The following ANKRD44 variants were observed in gnomAD, a reference collection of about 807,000 sequenced individuals.
ANKRD44 encodes the protein serine/threonine-protein phosphatase 6 regulatory ankyrin repeat subunit B.
In ANKRD44, 35 loss-of-function variants were observed where a neutral mutation model predicts 116.0. The observed-to-expected ratio is 0.30, with a 90% CI of 0.23 to 0.40. The LOEUF is 0.40. Ranked by LOEUF, ANKRD44 falls within the 10% of genes least tolerant of loss-of-function variation. ANKRD44 has a pLI of 1.00. For missense variants in ANKRD44, 1,014 were observed against 1,242.6 expected, an observed-to-expected ratio of 0.82 and a Z score of 2.77; for synonymous variants, 435 against 461.8, an observed-to-expected ratio of 0.94 and a Z score of 0.74.
chr2:197,297,020 T>G (rs1031172620), intron 1 of ANKRD44, among the ~76,000 whole-genome samples: 4 of 152,246 alleles, frequency 2.6e-5, no homozygotes, highest in African/African-American at 4.8e-5. Flanking sequence ...AGACACAGTT[T>G]TATATTTCTG....
chr2:197,102,483 T>C (rs894632242), intron 9 of ANKRD44, among the ~76,000 whole-genome samples: 3 of 152,234 alleles, frequency 2.0e-5, no homozygotes, highest in African/African-American at 7.2e-5. Flanking sequence ...CTTTTGAATA[T>C]CTGCTATCTG....
At chr2:196,983,864 G>C (rs1366788999), downstream of ANKRD44, among the ~76,000 whole-genome samples, 1 of 152,174 alleles carries the variant, frequency 6.6e-6, no homozygotes, top group South Asian at 2.1e-4. Context: ...CCCCCACTGG[G>C]AAAGTAGATA....
chr2:197,204,130 CA>C (rs1200627800), intron 1 of ANKRD44, among the ~76,000 whole-genome samples: 1 of 151,946 alleles, frequency 6.6e-6, no homozygotes, highest in Non-Finnish European at 1.5e-5. Flanking sequence ...ATACATAAAA[CA>C]GAATATTTTA....
chr2:197,018,270 C>T (rs1042214016), intron 17 of ANKRD44, among the ~76,000 whole-genome samples: 1 of 152,148 alleles, frequency 6.6e-6, no homozygotes, highest in Non-Finnish European at 1.5e-5. Flanking sequence ...ATACCAATAT[C>T]CAAAACTTTC....
In ANKRD44 at chr2:197,139,646, T is replaced by TAA. The variant is rs2079308361; in HGVS notation, c.191-2985_191-2984insTT. Among the ~76,000 whole-genome samples, 14 of 114,532 alleles carry TAA rather than the reference T, an allele frequency of 1.2e-4. 1 individual carries two copies. Among genetic ancestry groups the TAA allele is most frequent in the Admixed American group, 5.3e-4 (6 of 11,280 alleles). 75.1% of individuals were successfully genotyped at this position (114,532 alleles called of 152,430 possible). A position where few individuals can be genotyped will look rare whatever the true frequency, so the allele number is the denominator to read the frequency against. Reference sequence around the variant, plus strand: ...AAATATATAGATATAGATATAGATATAGATATATATATAGCAAATATGGCA... The same window carrying TAA: ...AAATATATAGATATAGATATAGATATAAAGATATATATATAGCAAATATGGCA... On this transcript the variant is annotated intron_variant, in intron 3 of 27. Transcript: ENST00000282272.
intron 27 of ANKRD44, chr2:196,992,620 G>C (rs1205667416): frequency 6.5e-6 from 1 of 152,712 alleles, no homozygotes; most frequent in African/African-American, 2.4e-5. Context: ...GGAAGGTGAG[G>C]CGGGAAAACC....
chr2:196,980,627 C>T (rs2075794113), intron 21 of ANKRD44, among the ~76,000 whole-genome samples: 2 of 152,240 alleles, frequency 1.3e-5, no homozygotes, highest in South Asian at 4.1e-4. Flanking sequence ...AAGACGTTGT[C>T]TGAACCACAC....
chr2:196,977,521 T>A (rs1169167490), intron 21 of ANKRD44, among the ~76,000 whole-genome samples: 2 of 152,196 alleles, frequency 1.3e-5, no homozygotes, highest in Non-Finnish European at 2.9e-5. Flanking sequence ...CAACGTGATT[T>A]AAAAATGGGC....
At chr2:197,306,687 G>T (rs1176835085) in intron 1 of ANKRD44, among the ~76,000 whole-genome samples, 1 of 152,076 alleles carries the variant, frequency 6.6e-6, no homozygotes, top group East Asian at 1.9e-4. Context: ...TATGTAACAC[G>T]TCCCAAGGCC....
intron 21 of ANKRD44, among the ~76,000 whole-genome samples, chr2:196,975,787 C>CAA (rs1298655216): frequency 1.7e-5 from 1 of 58,698 alleles, no homozygotes; most frequent in African/African-American, 6.9e-5. Context: ...GTCTCTGTCT[C>CAA]AAAAAAAAAA....
intron 27 of ANKRD44, 142 bp from the exon 28 acceptor site, chr2:196,989,791 T>G (rs2075887272): frequency 6.9e-7 from 1 of 1,456,658 alleles, no homozygotes; most frequent in Non-Finnish European, 9.1e-7. Context: ...CACTTTTCAC[T>G]GACTTGGTAT....
chr2:197,241,448 G>A (rs1212030185), intron 1 of ANKRD44, among the ~76,000 whole-genome samples: 1 of 152,060 alleles, frequency 6.6e-6, no homozygotes, highest in Non-Finnish European at 1.5e-5. Flanking sequence ...CTTATATTAG[G>A]CAAGCACTCT....
intron 15 of ANKRD44, among the ~76,000 whole-genome samples, chr2:197,081,006 T>C (rs764738070): frequency 3.3e-5 from 5 of 152,174 alleles, no homozygotes; most frequent in Admixed American, 1.3e-4. Flanking sequence ...CTGTGACCTG[T>C]GGTGCAGAAA....
rs192600992 is a variant in ANKRD44, at chr2:197,303,392, A to C, written c.27+7186T>G. On this transcript the variant is annotated intron_variant, in intron 1 of 27. Transcript: ENST00000282272. Reference sequence around the variant, plus strand: ...CCCAAACCATACAACAGTTAGAAGAACCATGAGTAGAATCCACGTCTTCTG... The same window carrying C: ...CCCAAACCATACAACAGTTAGAAGACCCATGAGTAGAATCCACGTCTTCTG... Among the ~76,000 whole-genome samples, 405 of 152,372 alleles carry C rather than the reference A, an allele frequency of 2.7e-3. 2 individuals carry two copies. The highest frequency in any genetic ancestry group is 9.5e-3 in the African/African-American group (395 of 41,586).
At chr2:197,136,320 T>C (rs919389773) in intron 4 of ANKRD44, 6 of 476,050 alleles carry the variant, frequency 1.3e-5, no homozygotes, top group Admixed American at 7.0e-5. Flanking sequence ...TGTAATGATA[T>C]GCTTTCTGCT....
At chr2:197,056,940 G>T (rs554202727) in intron 16 of ANKRD44, among the ~76,000 whole-genome samples, 1 of 152,262 alleles carries the variant, frequency 6.6e-6, no homozygotes, top group South Asian at 2.1e-4. Context: ...CATATTCACA[G>T]GTTCTAGAGT....
downstream of ANKRD44, among the ~76,000 whole-genome samples, chr2:196,985,646 A>T (rs1290866147): frequency 2.6e-5 from 4 of 152,174 alleles, no homozygotes; most frequent in African/African-American, 9.7e-5. Context: ...CTTCTCTAGG[A>T]TTCAGTTTCT....
At chr2:197,100,072 G>C (rs1559061356) in intron 9 of ANKRD44, 142 bp from the exon 10 acceptor site, 8 of 734,316 alleles carry the variant, frequency 1.1e-5, no homozygotes, top group Non-Finnish European at 1.6e-5. Context: ...ATACAAGAAT[G>C]CTTTTAAAGG....
chr2:196,993,489 T>C, intron 27 of ANKRD44, 94 bp downstream of exon 27: 2 of 975,032 alleles, frequency 2.1e-6, no homozygotes, highest in Non-Finnish European at 3.1e-6. Flanking sequence ...AATTCTTAAG[T>C]GCCTTTTATA....
Sources: allele counts gnomAD v4.1 joint callset (sites outside exome capture counted in the v4.1 genomes callset), GRCh38; gene constraint gnomAD v4.1.1; transcripts MANE v1.5; gene names NCBI Gene and HGNC (gene_info 2026-07-23, HGNC 2026-07-21).